The following TENM1 variants were observed in gnomAD, a reference collection of about 807,000 sequenced individuals.
TENM1 encodes teneurin transmembrane protein 1.
Under a neutral mutation model 174.8 loss-of-function variants are expected in TENM1, and 35 were observed. The observed-to-expected ratio is 0.20, with a 90% CI of 0.15 to 0.27. TENM1 has a LOEUF of 0.27. Among genes scored for constraint, TENM1 ranks in the 10% least tolerant of loss-of-function variants. The pLI is 1.00. For synonymous variants in TENM1, 781 were observed against 798.7 expected (o/e 0.98, Z 0.37); for missense variants, 1,633 against 2,130.1 (o/e 0.77, Z 4.59).
chrX:124,466,245 A>G (rs2061239496), intron 22 of TENM1, among the ~76,000 whole-genome samples: 1 of 112,151 alleles, frequency 8.9e-6, no homozygotes, highest in Non-Finnish European at 1.9e-5. Context: ...TTATATGTTC[A>G]TAAAATAGAT....
At chrX:124,599,797 T>C (rs923522115) in intron 11 of TENM1, among the ~76,000 whole-genome samples, 3 of 109,858 alleles carry the variant, frequency 2.7e-5, no homozygotes, top group Non-Finnish European at 5.7e-5. Context: ...CAGAATGAAA[T>C]AGGTTAACAA....
At chrX:124,411,341 G>A (rs752721256) in intron 25 of TENM1, among the ~76,000 whole-genome samples, 29 of 110,340 alleles carry the variant, frequency 2.6e-4, no homozygotes, top group South Asian at 1.9e-3. Context: ...GTGTGTATGT[G>A]TGTGTGTGTG....
At chrX:124,650,467 G>T (rs1326908566) in intron 8 of TENM1, among the ~76,000 whole-genome samples, 1 of 111,173 alleles carries the variant, frequency 9.0e-6, no homozygotes, top group African/African-American at 3.3e-5. Flanking sequence ...TAGGTTCTTT[G>T]GGGGAGGAAG....
intron 1 of TENM1, among the ~76,000 whole-genome samples, chrX:124,939,211 G>A (rs1024535947): frequency 9.0e-6 from 1 of 111,722 alleles, no homozygotes. Flanking sequence ...TATACCTATT[G>A]GACTTCCTCA....
the TENM1 span, among the ~76,000 whole-genome samples, chrX:125,064,409 C>T: frequency 9.1e-6 from 1 of 109,994 alleles, no homozygotes; most frequent in Non-Finnish European, 1.9e-5. Flanking sequence ...AAGAAAAAAA[C>T]AATATTTATG....
the TENM1 span, among the ~76,000 whole-genome samples, chrX:125,139,317 CA>C: frequency 9.0e-6 from 1 of 110,995 alleles, no homozygotes; most frequent in South Asian, 3.8e-4. Context: ...CCCAATGAAG[CA>C]AGAAGTCATC....
At chrX:124,872,816 GA>G (rs2057134324) in intron 3 of TENM1, among the ~76,000 whole-genome samples, 1 of 111,279 alleles carries the variant, frequency 9.0e-6, no homozygotes, top group Admixed American at 9.6e-5. Context: ...ACAGAAACTT[GA>G]TCTCCAAACA....
At chrX:124,574,162 A>G (rs1048637507) in intron 11 of TENM1, among the ~76,000 whole-genome samples, 7 of 112,074 alleles carry the variant, frequency 6.2e-5, no homozygotes, top group African/African-American at 2.3e-4. Flanking sequence ...TATGCATGTC[A>G]ACAATGAACA....
At chrX:124,415,648 T>C (rs909253752) in intron 25 of TENM1, among the ~76,000 whole-genome samples, 22 of 111,817 alleles carry the variant, frequency 2.0e-4, no homozygotes, top group African/African-American at 6.2e-4. Context: ...TTTGTGGCCA[T>C]AAAATTTCAT....
chrX:124,833,011 T>A (rs1253631106), intron 3 of TENM1, among the ~76,000 whole-genome samples: 4 of 112,108 alleles, frequency 3.6e-5, no homozygotes, highest in Non-Finnish European at 5.6e-5. Context: ...CATCTTTTTT[T>A]AATAAAAAAT....
At chrX:124,982,788 G>C in the TENM1 span, among the ~76,000 whole-genome samples, 1 of 111,918 alleles carries the variant, frequency 8.9e-6, no homozygotes, top group Non-Finnish European at 1.9e-5. Context: ...TAGGAAGTTG[G>C]TTTGTATGAG....
intron 3 of TENM1, among the ~76,000 whole-genome samples, chrX:124,812,402 C>T (rs1252617609): frequency 9.0e-6 from 1 of 111,342 alleles, no homozygotes; most frequent in Non-Finnish European, 1.9e-5. Flanking sequence ...AACAAGTAAT[C>T]TCAATTATTG....
At chrX:124,378,537 G>C (rs1458485392) in exon 32 of TENM1, 2 of 111,919 alleles carry the variant, frequency 1.8e-5, no homozygotes, top group South Asian at 3.8e-4. Context: ...ATACAGGCCT[G>C]ATTCAGAAAA....
At chrX:124,988,325 A>G in the TENM1 span, among the ~76,000 whole-genome samples, 1 of 112,018 alleles carries the variant, frequency 8.9e-6, no homozygotes, top group African/African-American at 3.2e-5. Context: ...AACATCATAG[A>G]TGGAATTGAT....
intron 11 of TENM1, among the ~76,000 whole-genome samples, chrX:124,608,263 G>T (rs1375294207): frequency 9.0e-6 from 1 of 111,140 alleles, no homozygotes; most frequent in African/African-American, 3.3e-5. Context: ...CTAATGCGTG[G>T]GAAGTCCACA....
At chrX:124,952,335 GGTGTGTGTGTGTGTGT>G in intron 1 of TENM1, among the ~76,000 whole-genome samples, 1 of 98,817 alleles carries the variant, frequency 1.0e-5, no homozygotes, top group African/African-American at 3.7e-5. Flanking sequence ...TTATGTATGG[GGTGTGTGTGTGTGTGT>G]GTGTGTGTGT....
chrX:125,153,412 T>C, the TENM1 span, among the ~76,000 whole-genome samples: 1 of 112,379 alleles, frequency 8.9e-6, no homozygotes, highest in Non-Finnish European at 1.9e-5. Context: ...CCTCAGGCAA[T>C]ACTGCTGAAA....
intron 3 of TENM1, among the ~76,000 whole-genome samples, chrX:124,862,600 T>C (rs767479108): frequency 9.0e-6 from 1 of 111,350 alleles, no homozygotes; most frequent in South Asian, 3.8e-4. Context: ...AGGGAATCAC[T>C]GATCTCAGAG....
intron 4 of TENM1, among the ~76,000 whole-genome samples, chrX:124,734,555 T>G (rs1293930150): frequency 8.9e-6 from 1 of 112,224 alleles, no homozygotes; most frequent in East Asian, 2.8e-4. Flanking sequence ...CTGCTATATT[T>G]TTCTCTTGGA....
Sources: allele counts gnomAD v4.1 joint callset (sites outside exome capture counted in the v4.1 genomes callset), GRCh38; gene constraint gnomAD v4.1.1; transcripts MANE v1.5; gene names NCBI Gene and HGNC (gene_info 2026-07-23, HGNC 2026-07-21).